Variants in AKAP19 observed in about 807,000 individuals in gnomAD.
AKAP19 encodes A-kinase anchoring protein 19.
the AKAP19 span, among the ~76,000 whole-genome samples, chr2:190,068,166 T>C: frequency 6.6e-6 from 1 of 152,266 alleles, no homozygotes; most frequent in South Asian, 2.1e-4. Flanking sequence ...TTATTACAAT[T>C]CTTATATGTT....
the AKAP19 span, among the ~76,000 whole-genome samples, chr2:189,979,348 A>T: frequency 6.6e-6 from 1 of 152,184 alleles, no homozygotes; most frequent in Non-Finnish European, 1.5e-5. Flanking sequence ...CTATTCAATA[A>T]ATGGTGCTGG....
chr2:189,942,561 C>T, the AKAP19 span, among the ~76,000 whole-genome samples: 2 of 152,092 alleles, frequency 1.3e-5, no homozygotes, highest in East Asian at 3.8e-4. Flanking sequence ...AACTAGGTAA[C>T]AGGTAGAGGT....
chr2:190,049,549 T>C, the AKAP19 span, among the ~76,000 whole-genome samples: 2 of 152,250 alleles, frequency 1.3e-5, no homozygotes, highest in African/African-American at 4.8e-5. Context: ...CTTCCTTTCT[T>C]CAATATACCT....
At chr2:190,060,138 C>T in the AKAP19 span, 1 of 1,612,868 alleles carries the variant, frequency 6.2e-7, no homozygotes, top group Non-Finnish European at 8.5e-7. Context: ...TATTTCAATG[C>T]CTAAGTTGGA....
the AKAP19 span, among the ~76,000 whole-genome samples, chr2:190,008,228 A>G: frequency 6.6e-5 from 10 of 152,250 alleles, no homozygotes; most frequent in African/African-American, 2.4e-4. Context: ...ATTAGGTGGT[A>G]TTAAGCAAAG....
At chr2:190,062,146 T>G in the AKAP19 span, 1 of 1,532,180 alleles carries the variant, frequency 6.5e-7, no homozygotes, top group Non-Finnish European at 9.0e-7. Context: ...TAAAAGAGCC[T>G]GAAAATAGAT....
chr2:190,124,606 A>C, the AKAP19 span, among the ~76,000 whole-genome samples: 2 of 152,200 alleles, frequency 1.3e-5, no homozygotes, highest in Admixed American at 1.3e-4. Context: ...GCTACTCAGA[A>C]GTCTGAGATG....
the AKAP19 span, among the ~76,000 whole-genome samples, chr2:189,962,003 C>T: frequency 1.3e-5 from 2 of 151,800 alleles, no homozygotes; most frequent in Non-Finnish European, 2.9e-5. Flanking sequence ...GGCCATTATT[C>T]TTGTTACAGA....
At chr2:189,890,203 G>A in the AKAP19 span, among the ~76,000 whole-genome samples, 4 of 152,148 alleles carry the variant, frequency 2.6e-5, no homozygotes, top group South Asian at 8.3e-4. Context: ...TCAGGAGCAG[G>A]TTGTTCAGCT....
At chr2:190,053,046 A>G in the AKAP19 span, among the ~76,000 whole-genome samples, 8 of 152,332 alleles carry the variant, frequency 5.3e-5, no homozygotes, top group African/African-American at 1.9e-4. Context: ...AAACAATAGC[A>G]TAATACTGTT....
At chr2:190,090,152 C>T in the AKAP19 span, among the ~76,000 whole-genome samples, 1 of 152,318 alleles carries the variant, frequency 6.6e-6, no homozygotes, top group Non-Finnish European at 1.5e-5. Flanking sequence ...AATTGCAGCA[C>T]TCCTGCTGCT....
At chr2:190,181,506 C>A in the AKAP19 span, 16 of 152,180 alleles carry the variant, frequency 1.1e-4, no homozygotes, top group Admixed American at 1.0e-3. Context: ...CTCTCGTGCT[C>A]TTTGGAGCTG....
At chr2:189,936,641 AT>A in the AKAP19 span, among the ~76,000 whole-genome samples, 5,225 of 152,230 alleles carry the variant, frequency 0.034, 288 homozygotes, top group African/African-American at 0.11. Flanking sequence ...ATGTCCACAA[AT>A]TTTTTTATTG....
At chr2:189,945,548 A>G in the AKAP19 span, among the ~76,000 whole-genome samples, 9 of 152,338 alleles carry the variant, frequency 5.9e-5, no homozygotes, top group South Asian at 1.9e-3. Flanking sequence ...GCCAAAGACT[A>G]AAAAACTCTT....
the AKAP19 span, among the ~76,000 whole-genome samples, chr2:190,038,904 C>CTTTCT: frequency 3.6e-3 from 326 of 89,720 alleles, 3 homozygotes; most frequent in African/African-American, 0.012. Flanking sequence ...TTCTTTCTTT[C>CTTTCT]TTCTTCTTCT....
At chr2:190,012,066 A>G in the AKAP19 span, among the ~76,000 whole-genome samples, 1 of 152,322 alleles carries the variant, frequency 6.6e-6, no homozygotes, top group African/African-American at 2.4e-5. Context: ...CAATCCATGA[A>G]CATGGAATAT....
chr2:189,919,563 C>T, the AKAP19 span, among the ~76,000 whole-genome samples: 2 of 152,014 alleles, frequency 1.3e-5, no homozygotes, highest in African/African-American at 4.8e-5. Flanking sequence ...CCCAACAGAC[C>T]GTGGTGTGTG....
chr2:190,026,188 G>T, the AKAP19 span, among the ~76,000 whole-genome samples: 1 of 152,088 alleles, frequency 6.6e-6, no homozygotes. Flanking sequence ...TCCAGGGATG[G>T]GTAAACTACA....
At chr2:190,187,061 A>T in the AKAP19 span, among the ~76,000 whole-genome samples, 2 of 152,126 alleles carry the variant, frequency 1.3e-5, no homozygotes, top group Non-Finnish European at 2.9e-5. Context: ...GCTGGTCTTG[A>T]ACTCCTGACC....
Sources: allele counts gnomAD v4.1 joint callset (sites outside exome capture counted in the v4.1 genomes callset), GRCh38; gene constraint gnomAD v4.1.1; transcripts MANE v1.5; gene names NCBI Gene and HGNC (gene_info 2026-07-23, HGNC 2026-07-21).